KCNIP4: variants seen among roughly 807,000 people sequenced by gnomAD.
The protein encoded by KCNIP4 is potassium voltage-gated channel interacting protein 4, also known as Kv channel-interacting protein 4.
In KCNIP4, 12 loss-of-function variants were observed where a neutral mutation model predicts 34.0. The ratio of observed to expected loss-of-function variants is 0.35; its 90% CI spans 0.23 to 0.57. The LOEUF is 0.57. KCNIP4 is among the 20% of genes least tolerant of loss of function. The pLI is 0.83. For synonymous variants in KCNIP4, 124 were observed against 102.2 expected, an observed-to-expected ratio of 1.21 and a Z score of -1.29; for missense variants, 238 against 311.7, an observed-to-expected ratio of 0.76 and a Z score of 1.78.
rs1720902745 is a variant in KCNIP4 at position 20,850,555 on chromosome 4, T to C, written c.276A>G (p.Arg92=). ...FTKKELQILY[R]GFKNECPSGV... ...AGAAAGTTCTTACATTCTTAAATCC[T>C]CTGTAAAGGATCTGAAGCTCTTTCT... Residue 92 remains arginine, a synonymous_variant, in exon 3 of 9, where the codon AGA becomes AGG. Transcript: ENST00000382152. The C allele has an allele frequency of 6.2e-7, 1 of 1,612,768 alleles. No homozygotes were observed. Among genetic ancestry groups the C allele is most frequent in the Non-Finnish European group, 8.5e-7 (1 of 1,179,676 alleles).
chr4:20,968,799 G>C (rs1010913289), intron 1 of KCNIP4, among the ~76,000 whole-genome samples: 18 of 150,178 alleles, frequency 1.2e-4, no homozygotes, highest in Non-Finnish European at 2.2e-4. Context: ...CTGGGGGAGG[G>C]ATAGTATTAG....
At chr4:20,839,550 G>A (rs577233342) in intron 3 of KCNIP4, among the ~76,000 whole-genome samples, 1 of 149,040 alleles carries the variant, frequency 6.7e-6, no homozygotes, top group Non-Finnish European at 1.5e-5. Context: ...ATATATATAT[G>A]TACATAATGT....
At chr4:21,812,326 C>A (rs1180757736) in intron 1 of KCNIP4, among the ~76,000 whole-genome samples, 1 of 152,012 alleles carries the variant, frequency 6.6e-6, no homozygotes, top group African/African-American at 2.4e-5. Context: ...TAATACCCTC[C>A]AGAACAAATG....
chr4:21,634,936 A>G (rs1746024534), intron 1 of KCNIP4, among the ~76,000 whole-genome samples: 1 of 152,204 alleles, frequency 6.6e-6, no homozygotes, highest in South Asian at 2.1e-4. Context: ...ATTTAAAAAT[A>G]TAAACAAAAT....
chr4:20,761,124 G>A (rs1014993972), intron 3 of KCNIP4, among the ~76,000 whole-genome samples: 1 of 152,152 alleles, frequency 6.6e-6, no homozygotes, highest in Non-Finnish European at 1.5e-5. Flanking sequence ...CCCAGAGAAA[G>A]AGTGTTCTTC....
At chr4:21,493,366 C>A (rs1732572414) in intron 1 of KCNIP4, among the ~76,000 whole-genome samples, 1 of 152,082 alleles carries the variant, frequency 6.6e-6, no homozygotes, top group Non-Finnish European at 1.5e-5. Context: ...TACATCCAAG[C>A]TGCATCAAGT....
chr4:20,868,026 A>ATAAT (rs201701429), intron 2 of KCNIP4, among the ~76,000 whole-genome samples: 2 of 151,854 alleles, frequency 1.3e-5, no homozygotes, highest in Non-Finnish European at 2.9e-5. Context: ...AATAATAATA[A>ATAAT]AAAAAAGAAG....
intron 1 of KCNIP4, among the ~76,000 whole-genome samples, chr4:21,561,192 C>T (rs960015167): frequency 7.9e-5 from 12 of 151,990 alleles, no homozygotes; most frequent in Admixed American, 3.3e-4. Context: ...TAAGAAATAA[C>T]CTTTTCCATT....
At position 20,750,088 on chromosome 4, in the gene KCNIP4, A is replaced by C. The variant is rs558118654; in HGVS notation, c.359-356T>G. On this transcript the variant is annotated intron_variant, in intron 4 of 8. Coordinates refer to ENST00000382152, the MANE Select transcript of KCNIP4 (RefSeq NM_025221.6). ...GTGTTTGGAAGAGACCATCTCTAGA[A>C]GTAAAGTACTAAAAATACTACCAAT... Among the ~76,000 whole-genome samples the C allele has an allele frequency of 3.3e-5, 5 of 152,352 alleles. No homozygotes were observed. The East Asian group carries it at 9.6e-4, about 29-fold the overall frequency.
At chr4:21,928,342 C>A (rs190068549) in intron 1 of KCNIP4, among the ~76,000 whole-genome samples, 1 of 152,128 alleles carries the variant, frequency 6.6e-6, no homozygotes, top group African/African-American at 2.4e-5. Context: ...TGCATGTAAG[C>A]CATGGTGGGT....
At chr4:20,986,888 C>T (rs976363351) in intron 1 of KCNIP4, among the ~76,000 whole-genome samples, 3 of 152,122 alleles carry the variant, frequency 2.0e-5, no homozygotes, top group Non-Finnish European at 4.4e-5. Flanking sequence ...GATTGGAGGT[C>T]CAGCCCTTTC....
intron 1 of KCNIP4, among the ~76,000 whole-genome samples, chr4:21,616,027 C>T (rs1055316101): frequency 7.2e-5 from 11 of 152,130 alleles, no homozygotes; most frequent in Non-Finnish European, 1.5e-4. Context: ...CATGTCATGC[C>T]TCTGCTTTAG....
At chr4:21,364,001 GAATGGAGCTAAGCT>G (rs1719479351) in intron 1 of KCNIP4, among the ~76,000 whole-genome samples, 1 of 152,098 alleles carries the variant, frequency 6.6e-6, no homozygotes. Flanking sequence ...TGGAAGGATG[GAATGGAGCTAAGCT>G]TATAGGTTAA....
intron 1 of KCNIP4, among the ~76,000 whole-genome samples, chr4:21,070,114 T>A (rs763935597): frequency 3.9e-5 from 6 of 152,184 alleles, no homozygotes; most frequent in Non-Finnish European, 8.8e-5. Flanking sequence ...AGATTGGAGT[T>A]TTCACTCAAT....
At chr4:20,891,457 T>C (rs1725909688) in intron 1 of KCNIP4, among the ~76,000 whole-genome samples, 1 of 152,008 alleles carries the variant, frequency 6.6e-6, no homozygotes. Context: ...ATACAAAAAT[T>C]AGCCAGGTGT....
At chr4:21,757,962 T>A (rs891734488) in intron 1 of KCNIP4, among the ~76,000 whole-genome samples, 2 of 152,170 alleles carry the variant, frequency 1.3e-5, no homozygotes, top group African/African-American at 4.8e-5. Context: ...CTTATGCAAG[T>A]AATTTGACCT....
intron 1 of KCNIP4, among the ~76,000 whole-genome samples, chr4:21,000,912 C>T (rs1738072517): frequency 6.6e-6 from 1 of 152,190 alleles, no homozygotes; most frequent in African/African-American, 2.4e-5. Context: ...TCTCAAATTA[C>T]ATGCTTCCAC....
intron 1 of KCNIP4, among the ~76,000 whole-genome samples, chr4:21,897,286 A>C (rs1727448694): frequency 6.6e-6 from 1 of 152,136 alleles, no homozygotes; most frequent in African/African-American, 2.4e-5. Flanking sequence ...TTAGTATTTC[A>C]GAAGTTCTAA....
At chr4:21,064,478 C>G (rs1445704597) in intron 1 of KCNIP4, among the ~76,000 whole-genome samples, 1 of 151,102 alleles carries the variant, frequency 6.6e-6, no homozygotes, top group Non-Finnish European at 1.5e-5. Context: ...TTTGGTAGAC[C>G]AAACTATAAG....
Sources: gnomAD v4.1 joint callset for allele counts (sites outside exome capture counted in the v4.1 genomes callset) on GRCh38, gnomAD v4.1.1 for gene constraint, MANE v1.5 for transcripts, NCBI Gene and HGNC (gene_info 2026-07-23, HGNC 2026-07-21) for gene names.